SHROOM3: variants seen among roughly 807,000 people sequenced by gnomAD.
SHROOM3 encodes the protein protein Shroom3.
Under a neutral mutation model 138.6 loss-of-function variants are expected in SHROOM3, and 47 were observed. That is an observed-to-expected ratio of 0.34 (90% CI 0.27 to 0.43). The LOEUF is 0.43. SHROOM3 is among the 20% of genes least tolerant of loss of function. The probability of loss-of-function intolerance (pLI) is 1.00; values close to 1 mark genes in which losing one functional copy is unlikely to be tolerated. For synonymous variants in SHROOM3, 1,062 were observed against 1,063.3 expected, an observed-to-expected ratio of 1.00 and a Z score of 0.02; for missense variants, 2,491 against 2,596.5, an observed-to-expected ratio of 0.96 and a Z score of 0.88.
chr4:76,527,826 C>T (rs757690007), intron 1 of SHROOM3, among the ~76,000 whole-genome samples: 21 of 152,114 alleles, frequency 1.4e-4, no homozygotes, highest in Non-Finnish European at 2.4e-4. Context: ...CTGGATGGAT[C>T]GCCCATGACC....
intron 1 of SHROOM3, among the ~76,000 whole-genome samples, chr4:76,453,133 A>T (rs1730959529): frequency 6.6e-6 from 1 of 152,192 alleles, no homozygotes; most frequent in Non-Finnish European, 1.5e-5. Context: ...GGTAATTCTA[A>T]GTTTAATTTT....
chr4:76,659,275 T>G (rs1003582403), intron 2 of SHROOM3, among the ~76,000 whole-genome samples: 3 of 152,078 alleles, frequency 2.0e-5, no homozygotes, highest in Non-Finnish European at 2.9e-5. Flanking sequence ...CACTCCCTAC[T>G]TACAGGTGGA....
chr4:76,535,701 C>T (rs555053604), intron 1 of SHROOM3, among the ~76,000 whole-genome samples: 8 of 152,330 alleles, frequency 5.3e-5, no homozygotes, highest in African/African-American at 1.2e-4. Flanking sequence ...GGTTCACGGT[C>T]ACTTGATGAA....
At chr4:76,678,152 T>C (rs1719094387) in intron 2 of SHROOM3, among the ~76,000 whole-genome samples, 1 of 152,130 alleles carries the variant, frequency 6.6e-6, no homozygotes, top group Admixed American at 6.5e-5. Context: ...AATTTCTGTT[T>C]TTCCTTTGAG....
intron 1 of SHROOM3, among the ~76,000 whole-genome samples, chr4:76,451,639 A>G (rs1316033207): frequency 6.6e-6 from 1 of 152,208 alleles, no homozygotes; most frequent in Admixed American, 6.5e-5. Context: ...TGCATTTGTC[A>G]AAAACTCATT....
chr4:76,518,514 TCCTTCCTTCCTA>T (rs1242236464), intron 1 of SHROOM3, among the ~76,000 whole-genome samples: 34 of 148,818 alleles, frequency 2.3e-4, no homozygotes, highest in Admixed American at 3.4e-4. Context: ...CTTCCTTCTT[TCCTTCCTTCCTA>T]CCTTCCTTCC....
intron 2 of SHROOM3, among the ~76,000 whole-genome samples, chr4:76,627,814 G>A (rs1038776008): frequency 8.6e-5 from 13 of 151,956 alleles, no homozygotes; most frequent in African/African-American, 2.4e-4. Flanking sequence ...CTGGGACTAC[G>A]GGTGTGTGCC....
chr4:76,436,743 C>T (rs879770697), intron 1 of SHROOM3, among the ~76,000 whole-genome samples: 9 of 152,158 alleles, frequency 5.9e-5, no homozygotes, highest in Non-Finnish European at 1.0e-4. Context: ...AACATTTCTG[C>T]CTCTCCTATT....
At chr4:76,640,391 T>G (rs951657476) in intron 2 of SHROOM3, among the ~76,000 whole-genome samples, 19 of 152,210 alleles carry the variant, frequency 1.2e-4, no homozygotes, top group African/African-American at 4.3e-4. Flanking sequence ...AGCCAGGTGC[T>G]CTTCACGCTC....
chr4:76,740,744 G>T lies in SHROOM3; in HGVS notation c.2571G>T (p.Glu857Asp). 1.2e-6 allele frequency: 2 copies of T among 1,613,218 alleles called. No individual in the cohort carries two copies. The highest frequency in any genetic ancestry group is 2.2e-5 in the South Asian group (2 of 91,088). Residue 857 changes from glutamate to aspartate, a missense_variant, in exon 5 of 11, where the codon GAG becomes GAT. Transcript: ENST00000296043. This position sits in a 1 kb window ranked among gnomAD's most constrained non-coding sequence, Gnocchi z 4.0. The stretch of plus-strand genomic sequence containing the variant: ...AAAACGGGGAGCTGAAGTTGGAAGA[G>T]GCTTCCCGGCAGCCCTGCGGTCAGC... ...HFKNGELKLEEASRQPCGQQL... is the reference protein window; with the variant it reads ...HFKNGELKLEDASRQPCGQQL...
intron 2 of SHROOM3, among the ~76,000 whole-genome samples, chr4:76,556,358 AT>A (rs940148442): frequency 2.0e-5 from 3 of 152,138 alleles, no homozygotes; most frequent in Non-Finnish European, 4.4e-5. Context: ...GAATTGAATT[AT>A]TTTTTTGATC....
chr4:76,703,123 A>T (rs1719950057), intron 2 of SHROOM3, among the ~76,000 whole-genome samples: 1 of 152,348 alleles, frequency 6.6e-6, no homozygotes, highest in Admixed American at 6.5e-5. Flanking sequence ...TACAAAGTGC[A>T]TCTCTGCAGA....
At chr4:76,693,365 A>C (rs879004588) in intron 2 of SHROOM3, among the ~76,000 whole-genome samples, 2 of 64,988 alleles carry the variant, frequency 3.1e-5, no homozygotes, top group East Asian at 1.7e-3. Context: ...CATTTTGATA[A>C]GTTTGTTTTT....
intron 1 of SHROOM3, among the ~76,000 whole-genome samples, chr4:76,455,560 T>C (rs1420713777): frequency 2.0e-5 from 3 of 151,994 alleles, no homozygotes; most frequent in Non-Finnish European, 4.4e-5. Context: ...AGAACTCTTA[T>C]ATATACATAA....
At chr4:76,532,705 G>T (rs1414432923) in intron 1 of SHROOM3, among the ~76,000 whole-genome samples, 1 of 152,166 alleles carries the variant, frequency 6.6e-6, no homozygotes, top group Non-Finnish European at 1.5e-5. Context: ...CAATTTCATG[G>T]ATAGATTTAT....
At chr4:76,539,358 G>C (rs568415958) in intron 1 of SHROOM3, among the ~76,000 whole-genome samples, 58 of 152,254 alleles carry the variant, frequency 3.8e-4, no homozygotes, top group Non-Finnish European at 5.1e-4. Context: ...AGGGATGGTT[G>C]AAATTATCAA....
chr4:76,711,429 C>T (rs1033299618), intron 3 of SHROOM3, among the ~76,000 whole-genome samples: 3 of 152,266 alleles, frequency 2.0e-5, no homozygotes, highest in African/African-American at 4.8e-5. Context: ...ATAGACATGT[C>T]GACTTGCATT....
At chr4:76,693,366 G>GTTTTTT (rs1429298697) in intron 2 of SHROOM3, among the ~76,000 whole-genome samples, 68 of 60,078 alleles carry the variant, frequency 1.1e-3, no homozygotes, top group African/African-American at 4.6e-3. Flanking sequence ...ATTTTGATAA[G>GTTTTTT]TTTGTTTTTT....
chr4:76,436,265 T>A, intron 1 of SHROOM3, 45 bp downstream of exon 1: 1 of 1,608,640 alleles, frequency 6.2e-7, no homozygotes, highest in Non-Finnish European at 8.5e-7. Context: ...ATTGTTTTTT[T>A]CAACTTGTCA....
Sources: gnomAD v4.1 joint callset for allele counts (sites outside exome capture counted in the v4.1 genomes callset) on GRCh38, gnomAD v4.1.1 for gene constraint, Gnocchi (gnomAD v3.1) non-coding constraint, MANE v1.5 for transcripts, NCBI Gene and HGNC (gene_info 2026-07-23, HGNC 2026-07-21) for gene names.